CADM2: variants seen among roughly 807,000 people sequenced by gnomAD.
The protein encoded by CADM2 is immunoglobulin superfamily member 4D.
A neutral mutation model predicts 49.8 loss-of-function variants in CADM2; 12 were observed. The observed-to-expected ratio is 0.24, with a 90% CI of 0.15 to 0.39. The LOEUF (loss-of-function observed/expected upper bound fraction) is 0.39, where lower values mean the gene tolerates loss of function less well. Ranked by LOEUF, CADM2 falls within the 10% of genes least tolerant of loss-of-function variation. CADM2 has a pLI of 1.00. For missense variants in CADM2, 378 were observed against 492.3 expected (o/e 0.77, Z 2.20); for synonymous variants, 214 against 175.4 (o/e 1.22, Z -1.74).
chr3:85,380,784 CT>C lies in CADM2; in HGVS notation c.62-345731del, dbSNP rs373428131. 5.9e-4 allele frequency among the ~76,000 whole-genome samples: 90 copies of C among 151,870 alleles called. No homozygotes were observed. In the East Asian group the frequency reaches 0.017, roughly 28 times the overall value. ...TTCTTTTGATTCAGATAATCAATTA[CT>C]TTTTTTAGAATATAATTACTAAGAT... is the stretch of plus-strand genomic sequence containing the variant. On this transcript the variant is annotated intron_variant, in intron 1 of 9. Transcript: ENST00000383699.
intron 1 of CADM2, among the ~76,000 whole-genome samples, chr3:85,078,047 A>T (rs1403023757): frequency 6.6e-6 from 1 of 152,070 alleles, no homozygotes; most frequent in Non-Finnish European, 1.5e-5. Context: ...TGCAGACTTA[A>T]CTTCATTAAA....
chr3:85,594,483 G>A (rs1187675554), intron 1 of CADM2, among the ~76,000 whole-genome samples: 1 of 151,798 alleles, frequency 6.6e-6, no homozygotes, highest in Non-Finnish European at 1.5e-5. Flanking sequence ...TGTCCCTAAA[G>A]TAACTGGCAG....
At chr3:85,184,841 A>T (rs1277707793) in intron 1 of CADM2, among the ~76,000 whole-genome samples, 1 of 152,106 alleles carries the variant, frequency 6.6e-6, no homozygotes, top group Non-Finnish European at 1.5e-5. Context: ...GTCAAGATAA[A>T]TATCCTAGAC....
At chr3:85,515,985 T>G (rs1179655049) in intron 1 of CADM2, among the ~76,000 whole-genome samples, 2 of 152,182 alleles carry the variant, frequency 1.3e-5, no homozygotes, top group African/African-American at 4.8e-5. Flanking sequence ...CTTGTCATCC[T>G]CATAAGGAAA....
At chr3:85,090,617 G>A (rs1398222826) in intron 1 of CADM2, among the ~76,000 whole-genome samples, 1 of 152,162 alleles carries the variant, frequency 6.6e-6, no homozygotes, top group African/African-American at 2.4e-5. Flanking sequence ...TGATCTGAGA[G>A]TGCTCTAGAC....
chr3:85,164,689 G>A (rs1183492047), intron 1 of CADM2, among the ~76,000 whole-genome samples: 1 of 152,016 alleles, frequency 6.6e-6, no homozygotes, highest in Non-Finnish European at 1.5e-5. Context: ...CTTTTAGAAT[G>A]AGAGAATGTG....
intron 1 of CADM2, among the ~76,000 whole-genome samples, chr3:85,111,050 TAAGTA>T (rs1001298402): frequency 1.3e-5 from 2 of 152,056 alleles, no homozygotes; most frequent in South Asian, 2.1e-4. Context: ...TAATGTAACC[TAAGTA>T]AATTGTGACA....
intron 1 of CADM2, among the ~76,000 whole-genome samples, chr3:84,977,692 G>A (rs2031910242): frequency 6.6e-6 from 1 of 151,910 alleles, no homozygotes; most frequent in Non-Finnish European, 1.5e-5. Context: ...TTTATTATTG[G>A]CTACATATGT....
rs2045034636 is a variant in CADM2 at position 85,334,872 on chromosome 3, G to A, written c.61+375204G>A. Among the ~76,000 whole-genome samples the A allele has an allele frequency of 1.3e-5, 2 of 151,334 alleles. 1 individual carries two copies. Among genetic ancestry groups the A allele is most frequent in the South Asian group, 4.2e-4 (2 of 4,818 alleles). The stretch of plus-strand genomic sequence containing the variant: ...TCATTATGTAGTTTTTATATTGAGA[G>A]TGAAAAAAATAATATGAAACTAGAC... On this transcript the variant is annotated intron_variant, in intron 1 of 9. Coordinates refer to ENST00000383699, the MANE Select transcript of CADM2 (RefSeq NM_001167675.2).
chr3:85,067,856 G>T (rs2036580991), intron 1 of CADM2, among the ~76,000 whole-genome samples: 1 of 152,144 alleles, frequency 6.6e-6, no homozygotes, highest in South Asian at 2.1e-4. Context: ...AGGGAGAAGT[G>T]AATAAAATAT....
chr3:85,906,418 T>C (rs532561774), intron 5 of CADM2, among the ~76,000 whole-genome samples: 99 of 152,266 alleles, frequency 6.5e-4, no homozygotes, highest in African/African-American at 2.4e-3. Flanking sequence ...CTTAATAATC[T>C]TCCATAAACA....
At chr3:85,316,158 T>C (rs1353842068) in intron 1 of CADM2, among the ~76,000 whole-genome samples, 1 of 152,214 alleles carries the variant, frequency 6.6e-6, no homozygotes, top group Non-Finnish European at 1.5e-5. Context: ...TATTAATCTC[T>C]CTGGAAGTCA....
chr3:85,171,906 A>G (rs1180996865), intron 1 of CADM2, among the ~76,000 whole-genome samples: 1 of 152,208 alleles, frequency 6.6e-6, no homozygotes, highest in Admixed American at 6.5e-5. Context: ...TTGTGCTTCT[A>G]ACATCGCATA....
At chr3:85,199,370 T>TGTGAGAGAGAGAGAGAGA (rs1553694531) in intron 1 of CADM2, among the ~76,000 whole-genome samples, 12 of 140,102 alleles carry the variant, frequency 8.6e-5, no homozygotes, top group African/African-American at 2.5e-4. Flanking sequence ...TGTGTGTGTA[T>TGTGAGAGAGAGAGAGAGA]GAGAGAGAGA....
intron 1 of CADM2, among the ~76,000 whole-genome samples, chr3:85,452,820 T>C (rs1374474442): frequency 6.6e-6 from 1 of 152,176 alleles, no homozygotes; most frequent in Non-Finnish European, 1.5e-5. Context: ...TAATAAAGTG[T>C]TTGCCAACAA....
chr3:85,482,116 A>C (rs1215104916), intron 1 of CADM2, among the ~76,000 whole-genome samples: 3 of 151,674 alleles, frequency 2.0e-5, no homozygotes, highest in African/African-American at 7.2e-5. Context: ...GAAATTCAAA[A>C]TTTGCCTTTA....
chr3:86,065,512 T>A, intron 8 of CADM2, 93 bp from the exon 9 acceptor site: 1 of 1,300,184 alleles, frequency 7.7e-7, no homozygotes, highest in Non-Finnish European at 1.1e-6. Flanking sequence ...ACAGAAATTG[T>A]GTTAATTTTC....
chr3:86,025,201 G>A (rs953832666), intron 8 of CADM2, among the ~76,000 whole-genome samples: 12 of 151,820 alleles, frequency 7.9e-5, no homozygotes, highest in Non-Finnish European at 8.8e-5. Flanking sequence ...GACTACAGGC[G>A]CCCGCCACCA....
intron 1 of CADM2, among the ~76,000 whole-genome samples, chr3:85,380,862 AC>A (rs1254731957): frequency 6.6e-6 from 1 of 152,086 alleles, no homozygotes; most frequent in Non-Finnish European, 1.5e-5. Context: ...TTTGATTCTA[AC>A]TAATTAAAGG....
Sources: allele counts gnomAD v4.1 joint callset (sites outside exome capture counted in the v4.1 genomes callset), GRCh38; gene constraint gnomAD v4.1.1; transcripts MANE v1.5; gene names NCBI Gene and HGNC (gene_info 2026-07-23, HGNC 2026-07-21).